Variants in SPOCK3 observed in about 807,000 individuals in gnomAD.
SPOCK3 encodes the protein SPARC (osteonectin), cwcv and kazal like domains proteoglycan 3.
A neutral mutation model predicts 56.6 loss-of-function variants in SPOCK3; 30 were observed. The ratio of observed to expected loss-of-function variants is 0.53; its 90% CI spans 0.40 to 0.72. SPOCK3 has a LOEUF of 0.72. Among genes scored for constraint, SPOCK3 ranks in the 30% least tolerant of loss-of-function variants. The probability of loss-of-function intolerance (pLI) is 0.00; values close to 1 mark genes in which losing one functional copy is unlikely to be tolerated. For missense variants in SPOCK3, 527 were observed against 530.0 expected, an observed-to-expected ratio of 0.99 and a Z score of 0.06; for synonymous variants, 196 against 183.3, an observed-to-expected ratio of 1.07 and a Z score of -0.56.
intron 8 of SPOCK3, among the ~76,000 whole-genome samples, chr4:166,752,940 C>T (rs3748526): frequency 0.79 from 119,910 of 151,788 alleles, 47,615 homozygotes; most frequent in South Asian, 0.82. Context: ...CATTAAATGA[C>T]CTCAGAGAGT....
intron 2 of SPOCK3, among the ~76,000 whole-genome samples, chr4:167,181,557 C>T (rs181358728): frequency 1.1e-4 from 16 of 152,264 alleles, no homozygotes; most frequent in Non-Finnish European, 2.1e-4. Context: ...TGATCTTCCT[C>T]CTTACTACCA....
intron 5 of SPOCK3, among the ~76,000 whole-genome samples, chr4:166,911,261 G>A (rs1452940943): frequency 8.2e-6 from 1 of 122,618 alleles, no homozygotes; most frequent in African/African-American, 3.0e-5. Context: ...TATGTATTTA[G>A]TGACTGAATT....
chr4:167,160,650 G>T lies in SPOCK3; in HGVS notation c.189+73335C>A, dbSNP rs188315051. 9.5e-3 allele frequency among the ~76,000 whole-genome samples: 1,450 copies of T among 152,148 alleles called. 16 individuals are homozygous for T. Among genetic ancestry groups the T allele is most frequent in the Non-Finnish European group, 0.013 (908 of 67,994 alleles). ...ACCTGACTTCAAACTATACTACAAG[G>T]CTACAGTAACCAAAACAGCATGATA... On this transcript the variant is annotated intron_variant, in intron 2 of 10. Coordinates refer to ENST00000357545, the MANE Select transcript of SPOCK3 (RefSeq NM_001040159.2).
chr4:166,918,439 T>C (rs1162064727), intron 4 of SPOCK3: 1 of 152,100 alleles, frequency 6.6e-6, no homozygotes, highest in East Asian at 1.9e-4. Context: ...CTTAGCTTCC[T>C]AGATCAGAAG....
At chr4:167,160,494 C>A (rs1203006135) in intron 2 of SPOCK3, among the ~76,000 whole-genome samples, 1 of 152,016 alleles carries the variant, frequency 6.6e-6, no homozygotes, top group African/African-American at 2.4e-5. Context: ...TCAATGCCAT[C>A]CCCATCAAGC....
At chr4:167,205,003 ATTT>A (rs1410325566) in intron 2 of SPOCK3, among the ~76,000 whole-genome samples, 1 of 130,702 alleles carries the variant, frequency 7.7e-6, no homozygotes. Flanking sequence ...ATCACCAGCT[ATTT>A]TTTTTTTTGG....
At chr4:167,078,408 G>A (rs1170756895) in intron 2 of SPOCK3, among the ~76,000 whole-genome samples, 5 of 146,380 alleles carry the variant, frequency 3.4e-5, no homozygotes, top group Non-Finnish European at 6.0e-5. Flanking sequence ...GAATGGGGAC[G>A]GTAGGTAGTA....
intron 2 of SPOCK3, among the ~76,000 whole-genome samples, chr4:167,219,449 A>G (rs372462930): frequency 2.0e-4 from 30 of 152,204 alleles, no homozygotes; most frequent in African/African-American, 7.2e-4. Flanking sequence ...GGACTATCAA[A>G]TTACTATTTT....
At position 166,836,019 on chromosome 4, in the gene SPOCK3, C is replaced by A. The variant is rs548748974; in HGVS notation, c.590-43730G>T. Among the ~76,000 whole-genome samples the A allele has an allele frequency of 5.2e-3, 782 of 151,778 alleles. 9 individuals carry two copies. The highest frequency in any genetic ancestry group is 0.014 in the African/African-American group (560 of 41,418). On this transcript the variant is annotated intron_variant, in intron 6 of 10. Transcript: ENST00000357545. The stretch of plus-strand genomic sequence containing the variant: ...AAAACTCTTGTCTCACACACACACA[C>A]ACAAAAAATTCTGTTTTACTATTGA...
chr4:167,083,521 T>C (rs934795303), intron 2 of SPOCK3, among the ~76,000 whole-genome samples: 10 of 152,120 alleles, frequency 6.6e-5, no homozygotes, highest in African/African-American at 2.4e-4. Flanking sequence ...GACTGTATTG[T>C]CATTTTGTTT....
chr4:166,837,742 C>T (rs1438727466), intron 6 of SPOCK3, among the ~76,000 whole-genome samples: 1 of 152,080 alleles, frequency 6.6e-6, no homozygotes, highest in Non-Finnish European at 1.5e-5. Flanking sequence ...ATTTTATTGA[C>T]TTTTACTTTT....
intron 6 of SPOCK3, among the ~76,000 whole-genome samples, chr4:166,866,229 T>C (rs1731822786): frequency 6.6e-6 from 1 of 152,156 alleles, no homozygotes; most frequent in Non-Finnish European, 1.5e-5. Flanking sequence ...GCTAGCCATA[T>C]GCAGAAAACA....
At chr4:167,059,741 T>G (rs1165668681) in intron 3 of SPOCK3, among the ~76,000 whole-genome samples, 1 of 152,122 alleles carries the variant, frequency 6.6e-6, no homozygotes, top group Non-Finnish European at 1.5e-5. Context: ...ATGAAAGACT[T>G]GGAACAAACC....
At chr4:166,844,098 G>A (rs1747800711) in intron 6 of SPOCK3, among the ~76,000 whole-genome samples, 1 of 152,206 alleles carries the variant, frequency 6.6e-6, no homozygotes, top group South Asian at 2.1e-4. Context: ...ACTGAAAGTG[G>A]TTCTAAGCCA....
At chr4:167,121,496 G>A (rs1761863309) in intron 2 of SPOCK3, among the ~76,000 whole-genome samples, 1 of 151,902 alleles carries the variant, frequency 6.6e-6, no homozygotes, top group Non-Finnish European at 1.5e-5. Flanking sequence ...AGTGAATGTG[G>A]ATGAGATTAA....
intron 4 of SPOCK3, among the ~76,000 whole-genome samples, chr4:166,977,946 T>C (rs1034532707): frequency 2.0e-5 from 3 of 152,200 alleles, no homozygotes; most frequent in Admixed American, 6.5e-5. Flanking sequence ...CACAAGCTTC[T>C]GACCCAAGTC....
At chr4:166,903,651 G>GTTT (rs573478645) in intron 5 of SPOCK3, among the ~76,000 whole-genome samples, 3 of 151,992 alleles carry the variant, frequency 2.0e-5, no homozygotes, top group African/African-American at 7.2e-5. Flanking sequence ...TTATTGACAG[G>GTTT]TGTTTTGTTT....
chr4:167,095,598 T>C (rs1759083572), intron 2 of SPOCK3, among the ~76,000 whole-genome samples: 1 of 151,816 alleles, frequency 6.6e-6, no homozygotes, highest in South Asian at 2.1e-4. Context: ...AAGTTACCAA[T>C]ATCAAAATAT....
At chr4:167,055,497 G>A (rs1461349105) in intron 3 of SPOCK3, among the ~76,000 whole-genome samples, 1 of 152,162 alleles carries the variant, frequency 6.6e-6, no homozygotes, top group Non-Finnish European at 1.5e-5. Flanking sequence ...AGCAGGGTGA[G>A]GCATTGCCTC....
Sources: gnomAD v4.1 joint callset for allele counts (sites outside exome capture counted in the v4.1 genomes callset) on GRCh38, gnomAD v4.1.1 for gene constraint, MANE v1.5 for transcripts, NCBI Gene and HGNC (gene_info 2026-07-23, HGNC 2026-07-21) for gene names.